Variants in LTBP1 observed in about 807,000 individuals in gnomAD.
LTBP1 encodes the protein latent transforming growth factor beta binding protein 1, also known as latent-transforming growth factor beta-binding protein 1.
In LTBP1, 129 loss-of-function variants were observed where a neutral mutation model predicts 207.6. The ratio of observed to expected loss-of-function variants is 0.62; its 90% CI spans 0.54 to 0.72. LTBP1 has a LOEUF of 0.72. Among genes scored for constraint, LTBP1 ranks in the 30% least tolerant of loss-of-function variants. The pLI, the probability that LTBP1 is intolerant of heterozygous loss-of-function variation, is 0.00. For synonymous variants in LTBP1, 963 were observed against 833.7 expected (o/e 1.16, Z -2.67); for missense variants, 2,281 against 2,217.2 (o/e 1.03, Z -0.58).
intron 9 of LTBP1, among the ~76,000 whole-genome samples, chr2:33,230,123 C>G (rs184591510): frequency 3.2e-4 from 48 of 152,292 alleles, no homozygotes; most frequent in African/African-American, 1.1e-3. Context: ...TAAAGGTTTT[C>G]AAAAGGAGCC....
Position 33,252,507 on chromosome 2 carries a change from T to G in LTBP1, c.2000-170T>G, listed in dbSNP as rs544226794. ...ACTTTTGGTGCCCTGACTCTAAAAC[T>G]CACATGGTAAACTGATTTTTCTTCA... On this transcript the variant is annotated intron_variant, in intron 10 of 33. Transcript: ENST00000404816. 2.0e-5 allele frequency among the ~76,000 whole-genome samples: 3 copies of G among 152,286 alleles called. No homozygotes were observed. In the East Asian group the frequency reaches 5.8e-4, roughly 29 times the overall value.
intron 21 of LTBP1, 24 bp from the exon 22 acceptor site, chr2:33,301,498 T>G: frequency 1.3e-6 from 2 of 1,554,966 alleles, no homozygotes; most frequent in South Asian, 1.2e-5. Context: ...CTTCCACAGT[T>G]TCTTTGTATT....
rs1263636750 is a variant in LTBP1, at chr2:33,182,365, A to G, written c.1202-4491A>G. On this transcript the variant is annotated intron_variant, in intron 5 of 33. Transcript: ENST00000404816. ...TCAATTGGTTACTGTTTCTTTGTTT[A>G]AAAAAAGGTGGTGTTGGCCGGGCGC... is the stretch of plus-strand genomic sequence containing the variant. Among the ~76,000 whole-genome samples, 4 of 151,912 alleles carry G rather than the reference A, an allele frequency of 2.6e-5. No homozygotes were observed. The East Asian group carries it at 7.7e-4, about 29-fold the overall frequency.
intron 3 of LTBP1, among the ~76,000 whole-genome samples, 165 bp from the exon 4 acceptor site, chr2:33,110,417 T>C (rs1266438620): frequency 6.6e-6 from 1 of 152,198 alleles, no homozygotes; most frequent in Non-Finnish European, 1.5e-5. Flanking sequence ...ATTTACCTCC[T>C]TCTATGTCAT....
rs143406972 is a variant in LTBP1 at position 33,095,908 on chromosome 2, T to G, written c.864-14674T>G. Among the ~76,000 whole-genome samples the G allele has an allele frequency of 9.5e-4, 144 of 152,240 alleles. 2 individuals are homozygous for G. The South Asian group carries it at 0.029, about 31-fold the overall frequency. On this transcript the variant is annotated intron_variant, in intron 3 of 33. Coordinates refer to ENST00000404816, the MANE Select transcript of LTBP1 (RefSeq NM_206943.4). ...GAGTAATGTCATGTAATTTAACATA[T>G]ATGTAATTGTAGTCTCAGAAGGTAA...
intron 3 of LTBP1, among the ~76,000 whole-genome samples, chr2:33,100,055 G>T (rs1057264656): frequency 1.3e-5 from 2 of 152,194 alleles, no homozygotes; most frequent in Non-Finnish European, 2.9e-5. Flanking sequence ...ATAATCTGGG[G>T]AGTGAGCAAA....
chr2:33,204,564 A>G (rs1036406771), intron 7 of LTBP1, among the ~76,000 whole-genome samples: 1 of 142,808 alleles, frequency 7.0e-6, no homozygotes, highest in African/African-American at 2.6e-5. Flanking sequence ...GCTTCAAGAT[A>G]AGCCTCTTTT....
At chr2:33,105,859 A>G (rs542022672) in intron 3 of LTBP1, among the ~76,000 whole-genome samples, 18 of 152,274 alleles carry the variant, frequency 1.2e-4, no homozygotes, top group East Asian at 7.7e-4. Context: ...TGCCACATCA[A>G]TTGACTTTTC....
chr2:33,322,965 G>A (rs1332306464), intron 24 of LTBP1, among the ~76,000 whole-genome samples: 1 of 151,926 alleles, frequency 6.6e-6, no homozygotes, highest in Middle Eastern at 3.4e-3. Flanking sequence ...ACACTCCATT[G>A]CTAGACTTTA....
intron 21 of LTBP1, 131 bp from the exon 22 acceptor site, chr2:33,301,391 G>A: frequency 9.3e-7 from 1 of 1,079,142 alleles, no homozygotes; most frequent in Non-Finnish European, 1.3e-6. Flanking sequence ...TATTACAAAA[G>A]CGACAATACA....
In LTBP1 at chr2:33,208,936, C is replaced by T. The variant is rs556612534; in HGVS notation, c.1702-8616C>T. ...AGGCTGGAGTGCAGTGGCGCGATCTCGGCTGACTGCAAGCTCCGCCTCCCA... is the reference window on the plus strand; with the variant it reads ...AGGCTGGAGTGCAGTGGCGCGATCTTGGCTGACTGCAAGCTCCGCCTCCCA... On this transcript the variant is annotated intron_variant, in intron 7 of 33. Transcript: ENST00000404816. Among the ~76,000 whole-genome samples, 14 of 142,506 alleles carry T rather than the reference C, an allele frequency of 9.8e-5. No homozygotes were observed. In the South Asian group the frequency reaches 2.7e-3, roughly 27 times the overall value. 93.5% of individuals were successfully genotyped at this position (142,506 alleles called of 152,430 possible).
At chr2:33,098,544 T>G (rs2079523717) in intron 3 of LTBP1, among the ~76,000 whole-genome samples, 1 of 152,120 alleles carries the variant, frequency 6.6e-6, no homozygotes, top group African/African-American at 2.4e-5. Context: ...GTGATTCCCC[T>G]GCCTCAGCCT....
At position 33,252,860 on chromosome 2, in the gene LTBP1, C is replaced by G; in HGVS notation, c.2167+16C>G. Reference sequence around the variant, plus strand: ...CCAGGCACAGGTAAGACATGCCCAGCTGTATGCGCACATAGATTCCCAGCC... The same window carrying G: ...CCAGGCACAGGTAAGACATGCCCAGGTGTATGCGCACATAGATTCCCAGCC... On this transcript the variant is annotated intron_variant, in intron 11 of 33. Coordinates refer to ENST00000404816, the MANE Select transcript of LTBP1 (RefSeq NM_206943.4). 6.3e-7 allele frequency: 1 copy of G among 1,581,854 alleles called. No individual in the cohort carries two copies. The highest frequency in any genetic ancestry group is 1.1e-5 in the South Asian group (1 of 87,120).
intron 7 of LTBP1, among the ~76,000 whole-genome samples, chr2:33,212,684 C>A (rs2149301190): frequency 6.6e-6 from 1 of 152,216 alleles, no homozygotes; most frequent in Admixed American, 6.5e-5. Context: ...AGGTTGAATC[C>A]ACTCTTTCTA....
intron 5 of LTBP1, among the ~76,000 whole-genome samples, chr2:33,182,699 T>TACACACACACAC (rs377663333): frequency 1.3e-5 from 1 of 78,830 alleles, no homozygotes; most frequent in Non-Finnish European, 2.8e-5. Context: ...TATATATATA[T>TACACACACACAC]ACACACACAC....
intron 2 of LTBP1, among the ~76,000 whole-genome samples, chr2:32,994,256 A>G (rs899500152): frequency 6.6e-6 from 1 of 152,090 alleles, no homozygotes; most frequent in Non-Finnish European, 1.5e-5. Flanking sequence ...TGTGCCTGGC[A>G]CTAAGTGTGT....
rs772706989 is a variant in LTBP1 at position 33,134,925 on chromosome 2, C to T, written c.1166C>T (p.Ala389Val). ...TTTLISENGH[A>V]ADTLTATNFR... is the part of the protein sequence containing the mutation. ...ACTCTCATTAGTGAGAATGGTCATG[C>T]TGCCGACACCCTGACGGCCACGAAC... is the stretch of plus-strand genomic sequence containing the variant. Residue 389 changes from alanine to valine, a missense_variant, in exon 5 of 34, where the codon GCT (alanine) becomes GTT (valine). Around this residue, in one of 3 missense-constraint regions of LTBP1, gnomAD observed 55 missense variants for 91.5 expected, o/e 0.60. Transcript: ENST00000404816. The surrounding 1 kb of genome is among the most constrained non-coding windows in gnomAD (Gnocchi z 4.4). 6.2e-7 allele frequency: 1 copy of T among 1,613,696 alleles called. No homozygotes were observed. The highest frequency in any genetic ancestry group is 1.1e-5 in the South Asian group (1 of 91,042).
chr2:33,294,130 C>T (rs759196831), intron 20 of LTBP1, among the ~76,000 whole-genome samples: 6 of 150,162 alleles, frequency 4.0e-5, no homozygotes, highest in Non-Finnish European at 7.4e-5. Context: ...CTCAGCCTCC[C>T]GAGTAGCTGG....
intron 5 of LTBP1, among the ~76,000 whole-genome samples, chr2:33,143,971 A>G (rs1413859812): frequency 6.6e-6 from 1 of 152,032 alleles, no homozygotes; most frequent in Non-Finnish European, 1.5e-5. Flanking sequence ...TTGGAGGGCT[A>G]TTCTGAGGCT....
Sources: allele counts gnomAD v4.1 joint callset (sites outside exome capture counted in the v4.1 genomes callset), GRCh38; gene constraint gnomAD v4.1.1; regional missense constraint gnomAD v4.1.1; non-coding constraint Gnocchi (gnomAD v3.1); transcripts MANE v1.5; gene names NCBI Gene and HGNC (gene_info 2026-07-23, HGNC 2026-07-21).